ADAM12: variants seen among roughly 807,000 people sequenced by gnomAD.
ADAM12 encodes the protein ADAM metallopeptidase domain 12.
Under a neutral mutation model 106.4 loss-of-function variants are expected in ADAM12, and 70 were observed. That is an observed-to-expected ratio of 0.66 (90% CI 0.54 to 0.80). The LOEUF (loss-of-function observed/expected upper bound fraction) is 0.80. Among genes scored for constraint, ADAM12 ranks in the 30% least tolerant of loss-of-function variants. The pLI is 0.00. For missense variants in ADAM12, 1,010 were observed against 1,171.9 expected (o/e 0.86, Z 2.02); for synonymous variants, 420 against 433.5 (o/e 0.97, Z 0.39).
At chr10:126,138,817 C>CTTTTTT (rs71486579) in intron 4 of ADAM12, among the ~76,000 whole-genome samples, 42,729 of 127,016 alleles carry the variant, frequency 0.34, 6,616 homozygotes, top group Admixed American at 0.39. Context: ...CTACACATAT[C>CTTTTTT]TTTTTCTTTT....
At chr10:126,131,348 T>C (rs745750883) in intron 5 of ADAM12, among the ~76,000 whole-genome samples, 2 of 152,074 alleles carry the variant, frequency 1.3e-5, no homozygotes, top group African/African-American at 2.4e-5. Context: ...TGACCTCCAC[T>C]GAGCTTGGGA....
At chr10:126,385,510 T>G (rs1856632383) in intron 1 of ADAM12, among the ~76,000 whole-genome samples, 2 of 152,102 alleles carry the variant, frequency 1.3e-5, no homozygotes, top group African/African-American at 4.8e-5. Flanking sequence ...CACAGCTTGG[T>G]GCACAGAAAA....
At chr10:126,042,376 T>G in intron 18 of ADAM12, 1 of 1,131,180 alleles carries the variant, frequency 8.8e-7, no homozygotes, top group Non-Finnish European at 1.2e-6. Flanking sequence ...CAGCTGCTAC[T>G]AAGAGCTTCT....
At chr10:126,026,824 A>C (rs756455253) in intron 21 of ADAM12, among the ~76,000 whole-genome samples, 2 of 152,112 alleles carry the variant, frequency 1.3e-5, no homozygotes, top group Non-Finnish European at 2.9e-5. Context: ...TAGAAAGATA[A>C]AGTTAACAAA....
intron 12 of ADAM12, among the ~76,000 whole-genome samples, chr10:126,071,018 G>A (rs778106986): frequency 3.3e-5 from 5 of 152,154 alleles, no homozygotes; most frequent in Admixed American, 6.5e-5. Context: ...TGCATACAGA[G>A]GCGTCTGCAG....
At chr10:126,226,018 G>C (rs1958187197) in intron 3 of ADAM12, among the ~76,000 whole-genome samples, 2 of 151,940 alleles carry the variant, frequency 1.3e-5, no homozygotes, top group Non-Finnish European at 2.9e-5. Context: ...ACCCTCAAAG[G>C]GCAGCAGGGA....
intron 1 of ADAM12, among the ~76,000 whole-genome samples, chr10:126,380,596 C>T (rs575907411): frequency 3.9e-5 from 6 of 152,278 alleles, no homozygotes; most frequent in African/African-American, 7.2e-5. Flanking sequence ...CTGACGCACT[C>T]GACAAACTCC....
intron 21 of ADAM12, among the ~76,000 whole-genome samples, chr10:126,024,104 A>G (rs112572633): frequency 6.6e-6 from 1 of 152,246 alleles, no homozygotes; most frequent in African/African-American, 2.4e-5. Context: ...AAAAAAGTAC[A>G]ACATAGATGA....
chr10:126,381,598 C>T (rs1028238105), intron 1 of ADAM12, among the ~76,000 whole-genome samples: 9 of 152,086 alleles, frequency 5.9e-5, no homozygotes, highest in African/African-American at 1.4e-4. Flanking sequence ...CAGGTTCAAG[C>T]GATTCTCCTG....
chr10:126,101,287 A>C, intron 8 of ADAM12, 46 bp from the exon 9 acceptor site: 8 of 1,584,034 alleles, frequency 5.1e-6, no homozygotes, highest in Non-Finnish European at 4.3e-6. Flanking sequence ...GATCACGTTA[A>C]TAAAAACTCG....
At chr10:126,034,475 C>A (rs1193376982) in intron 21 of ADAM12, among the ~76,000 whole-genome samples, 2 of 152,072 alleles carry the variant, frequency 1.3e-5, no homozygotes, top group African/African-American at 2.4e-5. Context: ...ATATGGAATA[C>A]TAATCTACAG....
At chr10:126,024,571 A>G (rs1409446415) in intron 21 of ADAM12, among the ~76,000 whole-genome samples, 2 of 152,188 alleles carry the variant, frequency 1.3e-5, no homozygotes, top group Non-Finnish European at 2.9e-5. Context: ...TAACTGTCAC[A>G]AAGTCCCAAA....
chr10:126,384,140 C>T (rs940955495), intron 1 of ADAM12, among the ~76,000 whole-genome samples: 1 of 152,124 alleles, frequency 6.6e-6, no homozygotes. Context: ...TCAACATCTA[C>T]GTATCGCAGA....
At chr10:126,223,498 C>G (rs1204734658) in intron 3 of ADAM12, among the ~76,000 whole-genome samples, 1 of 152,174 alleles carries the variant, frequency 6.6e-6, no homozygotes, top group Non-Finnish European at 1.5e-5. Flanking sequence ...AATGCTTGAG[C>G]TGAGAGCCTA....
intron 3 of ADAM12, among the ~76,000 whole-genome samples, chr10:126,246,746 G>C (rs1010898603): frequency 6.6e-6 from 1 of 152,080 alleles, no homozygotes; most frequent in Non-Finnish European, 1.5e-5. Context: ...AAAATAATAA[G>C]AGCCATCTAT....
intron 11 of ADAM12, among the ~76,000 whole-genome samples, chr10:126,079,913 CAG>C (rs973323448): frequency 6.6e-6 from 1 of 152,086 alleles, no homozygotes; most frequent in Non-Finnish European, 1.5e-5. Context: ...TTAGCCATGC[CAG>C]AGAGAGGATG....
chr10:126,355,323 C>A (rs187279887), intron 1 of ADAM12, among the ~76,000 whole-genome samples: 15 of 152,292 alleles, frequency 9.8e-5, no homozygotes, highest in Admixed American at 2.0e-4. Flanking sequence ...ATCTAAATCT[C>A]CGACAGGTCT....
chr10:126,032,447 G>C (rs1953987634), intron 21 of ADAM12, among the ~76,000 whole-genome samples: 1 of 152,082 alleles, frequency 6.6e-6, no homozygotes. Context: ...ATGTTTAAAG[G>C]GTAACATTTC....
At chr10:126,324,462 T>A (rs1229572874) in intron 2 of ADAM12, among the ~76,000 whole-genome samples, 1 of 152,294 alleles carries the variant, frequency 6.6e-6, no homozygotes, top group East Asian at 1.9e-4. Context: ...CCCATGGGCA[T>A]CATGCTAAGA....
Sources: allele counts gnomAD v4.1 joint callset (sites outside exome capture counted in the v4.1 genomes callset), GRCh38; gene constraint gnomAD v4.1.1; transcripts MANE v1.5; gene names NCBI Gene and HGNC (gene_info 2026-07-23, HGNC 2026-07-21).